CASS4: variants seen among roughly 807,000 people sequenced by gnomAD.
CASS4 encodes cas scaffolding protein family member 4.
Under a neutral mutation model 54.2 loss-of-function variants are expected in CASS4, and 22 were observed. The ratio of observed to expected loss-of-function variants is 0.41; its 90% CI spans 0.29 to 0.58. The LOEUF is 0.58. Ranked by LOEUF, CASS4 falls within the 20% of genes least tolerant of loss-of-function variation. The pLI is 0.36. For synonymous variants in CASS4, 409 were observed against 391.5 expected (o/e 1.04, Z -0.53); for missense variants, 854 against 986.7 (o/e 0.87, Z 1.80).
intron 5 of CASS4, among the ~76,000 whole-genome samples, chr20:56,457,484 G>C (rs569732835): frequency 6.6e-6 from 1 of 152,076 alleles, no homozygotes; most frequent in Non-Finnish European, 1.5e-5. Context: ...ATTCATGAAT[G>C]TAAAATTTTG....
chr20:56,452,933 T>A lies in CASS4; in HGVS notation c.1757T>A (p.Leu586His), dbSNP rs774042931. Reference protein sequence around the residue: ...FASIVIANGRLLFKRNCEKEE... With the variant: ...FASIVIANGRHLFKRNCEKEE... ...TCCATTGTCATTGCCAATGGAAGGCTCCTTTTTAAGCGGAACTGTGAAAAG... is the reference window on the plus strand; with the variant it reads ...TCCATTGTCATTGCCAATGGAAGGCACCTTTTTAAGCGGAACTGTGAAAAG... The change falls in exon 5 of 6, where the codon CTC becomes CAC. Residue 586 changes from leucine to histidine, a missense_variant. Coordinates refer to ENST00000679887, the MANE Select transcript of CASS4 (RefSeq NM_020356.4). 3 of 1,614,046 alleles carry A rather than the reference T, an allele frequency of 1.9e-6. No homozygotes were observed. The highest frequency in any genetic ancestry group is 2.5e-6 in the Non-Finnish European group (3 of 1,180,020).
At chr20:56,428,912 G>A (rs1477300891) in intron 1 of CASS4, among the ~76,000 whole-genome samples, 1 of 151,076 alleles carries the variant, frequency 6.6e-6, no homozygotes, top group Non-Finnish European at 1.5e-5. Context: ...AGCAATCAGT[G>A]TACCCCCCGA....
In CASS4 at chr20:56,459,535, A is replaced by G; in HGVS notation, c.*788A>G. The G allele has an allele frequency of 4.3e-6, 1 of 233,132 alleles. No homozygotes were observed. Among genetic ancestry groups the G allele is most frequent in the South Asian group, 6.5e-5 (1 of 15,340 alleles). The allele number at this position is 233,132 out of a possible 1,614,324, so 14.4% of individuals were successfully genotyped here. On this transcript the variant is annotated 3_prime_UTR_variant, in exon 6 of 6. Transcript: ENST00000679887. ...TGGGGAGTGGGGCGATTTTGTTTTA[A>G]TTTCTCGGTCAGGAATCACTTAATC...
chr20:56,449,444 C>A (rs1980887083), intron 3 of CASS4, among the ~76,000 whole-genome samples: 2 of 151,736 alleles, frequency 1.3e-5, no homozygotes, highest in Non-Finnish European at 1.5e-5. Flanking sequence ...GAACATCACA[C>A]ACCGGGGCCT....
rs1203131712 is a variant in CASS4, at chr20:56,414,063, A to G, written c.36+1569A>G. ...TAAGAACAAGGACATTCATCTACAG[A>G]ACGTAGAAGAATATCTACATATCAT... On this transcript the variant is annotated intron_variant, in intron 1 of 5. Transcript: ENST00000679887. This position sits in a 1 kb window ranked among gnomAD's most constrained non-coding sequence, Gnocchi z 4.1. Among the ~76,000 whole-genome samples the G allele has an allele frequency of 1.3e-5, 2 of 152,358 alleles. No individual in the cohort carries two copies. The highest frequency in any genetic ancestry group is 2.9e-5 in the Non-Finnish European group (2 of 68,032).
rs1013983140 is a variant in CASS4 at position 56,459,496 on chromosome 20, T to A, written c.*749T>A. On this transcript the variant is annotated 3_prime_UTR_variant, in exon 6 of 6. Coordinates refer to ENST00000679887, the MANE Select transcript of CASS4 (RefSeq NM_020356.4). ...TTGTACCTGATTTTATTACCAGTTT[T>A]CATCTGAATCCACTGGGGAGTGGGG... 1 of 267,042 alleles carries A rather than the reference T, an allele frequency of 3.7e-6. No homozygotes were observed. Among genetic ancestry groups the A allele is most frequent in the Non-Finnish European group, 8.0e-6 (1 of 125,322 alleles). The allele number at this position is 267,042 out of a possible 1,614,324, so 16.5% of individuals were successfully genotyped here.
rs749182154 is a variant in CASS4, at chr20:56,414,722, G to A, written c.36+2228G>A. Among the ~76,000 whole-genome samples the A allele has an allele frequency of 5.9e-5, 9 of 152,140 alleles. No individual in the cohort carries two copies. Among genetic ancestry groups the A allele is most frequent in the African/African-American group, 1.2e-4 (5 of 41,420 alleles). Reference sequence around the variant, plus strand: ...TCCCACCACTTTCAGAGGCTGAAGCGTGTGGATCACCTGAGGTCAGGGGAT... The same window carrying A: ...TCCCACCACTTTCAGAGGCTGAAGCATGTGGATCACCTGAGGTCAGGGGAT... On this transcript the variant is annotated intron_variant, in intron 1 of 5. Coordinates refer to ENST00000679887, the MANE Select transcript of CASS4 (RefSeq NM_020356.4). The surrounding 1 kb of genome is among the most constrained non-coding windows in gnomAD (Gnocchi z 4.1).
rs376026138 is a variant in CASS4, at chr20:56,456,749, G to A, written c.1954-1591G>A. 9.2e-5 allele frequency among the ~76,000 whole-genome samples: 14 copies of A among 151,928 alleles called. No homozygotes were observed. The East Asian group carries it at 2.7e-3, about 29-fold the overall frequency. ...GCTAGAGTGCAGTGGTGAGATCATG[G>A]CTCACTGCAGCCTCCACCACCCAGG... On this transcript the variant is annotated intron_variant, in intron 5 of 5. Transcript: ENST00000679887.
rs6092315 is a variant in CASS4, at chr20:56,442,455, A to G, written c.460-3445A>G. 1.3e-3 allele frequency among the ~76,000 whole-genome samples: 199 copies of G among 151,724 alleles called. 6 individuals are homozygous for G. Among genetic ancestry groups the G allele is most frequent in the African/African-American group, 4.8e-3 (197 of 41,070 alleles). On this transcript the variant is annotated intron_variant, in intron 2 of 5. Transcript: ENST00000679887. Reference sequence around the variant, plus strand: ...TTCACCTGACTCTGTGGCTGACGCTATTCTTTCTGATGAACACTTTACTGA... The same window carrying G: ...TTCACCTGACTCTGTGGCTGACGCTGTTCTTTCTGATGAACACTTTACTGA...
chr20:56,447,244 A>G lies in CASS4; in HGVS notation c.561+1243A>G, dbSNP rs553212493. 1.5e-4 allele frequency among the ~76,000 whole-genome samples: 23 copies of G among 152,282 alleles called. No homozygotes were observed. The East Asian group carries it at 3.3e-3, about 22-fold the overall frequency. On this transcript the variant is annotated intron_variant, in intron 3 of 5. Coordinates refer to ENST00000679887, the MANE Select transcript of CASS4 (RefSeq NM_020356.4). ...AATCAAAATCAAAAATTAAAAAAAA[A>G]AGAAGTCACTTTAGCCTTGCTAGGC...
At chr20:56,441,548 T>G (rs1215337334) in intron 2 of CASS4, among the ~76,000 whole-genome samples, 3 of 151,924 alleles carry the variant, frequency 2.0e-5, no homozygotes, top group Non-Finnish European at 4.4e-5. Flanking sequence ...GAAGTTGCAG[T>G]GAGCCGAGAT....
At chr20:56,432,210 A>G (rs1312387484) in intron 1 of CASS4, among the ~76,000 whole-genome samples, 5 of 152,200 alleles carry the variant, frequency 3.3e-5, no homozygotes, top group South Asian at 2.1e-4. Flanking sequence ...GTCCTACAAG[A>G]TAATAAACCT....
chr20:56,451,600 G>A lies in CASS4; in HGVS notation c.643-219G>A, dbSNP rs77723167. 5.9e-3 allele frequency among the ~76,000 whole-genome samples: 899 copies of A among 152,246 alleles called. 8 individuals are homozygous for A. Among genetic ancestry groups the A allele is most frequent in the African/African-American group, 0.021 (852 of 41,552 alleles). On this transcript the variant is annotated intron_variant, in intron 4 of 5. Transcript: ENST00000679887. ...GAGTTCAGGGGAAAGTAAACAGCTT[G>A]GGTGGCTGGACCTGTAAGCAGATGG...
intron 5 of CASS4, chr20:56,453,557 T>C (rs942357942): frequency 3.0e-5 from 5 of 165,282 alleles, no homozygotes; most frequent in Admixed American, 2.4e-4. Context: ...AAATTGCCCA[T>C]GGTCTGATCA....
At chr20:56,451,691 G>T (rs1981005084) in intron 4 of CASS4, 128 bp from the exon 5 acceptor site, 5 of 693,022 alleles carry the variant, frequency 7.2e-6, no homozygotes, top group Non-Finnish European at 1.2e-5. Flanking sequence ...AATCCTGAAG[G>T]ACCTTGAGTG....
intron 1 of CASS4, among the ~76,000 whole-genome samples, chr20:56,434,286 C>G (rs1438304641): frequency 6.6e-6 from 1 of 152,152 alleles, no homozygotes; most frequent in East Asian, 1.9e-4. Context: ...ATCATTTCAG[C>G]ATTGTTTGTA....
intron 1 of CASS4, among the ~76,000 whole-genome samples, chr20:56,423,928 C>G (rs1433790058): frequency 6.6e-6 from 1 of 152,176 alleles, no homozygotes; most frequent in Admixed American, 6.6e-5. Context: ...AGATCATTTT[C>G]TGCACATTCT....
Position 56,430,912 on chromosome 20 carries a change from C to T in CASS4, c.37-6252C>T, listed in dbSNP as rs2146274336. Among the ~76,000 whole-genome samples, 1 of 152,312 alleles carries T rather than the reference C, an allele frequency of 6.6e-6. No homozygotes were observed. Among genetic ancestry groups the T allele is most frequent in the Admixed American group, 6.5e-5 (1 of 15,304 alleles). ...AGGGAAATGAATGAGGGTAGAGCTG[C>T]AAACTGGGAGGCTGATCCTGCCTCG... On this transcript the variant is annotated intron_variant, in intron 1 of 5. Coordinates refer to ENST00000679887, the MANE Select transcript of CASS4 (RefSeq NM_020356.4). The surrounding 1 kb of genome is among the most constrained non-coding windows in gnomAD (Gnocchi z 4.2).
rs997353338 is a variant in CASS4, at chr20:56,414,479, C to T, written c.36+1985C>T. On this transcript the variant is annotated intron_variant, in intron 1 of 5. Coordinates refer to ENST00000679887, the MANE Select transcript of CASS4 (RefSeq NM_020356.4). The surrounding 1 kb of genome is among the most constrained non-coding windows in gnomAD (Gnocchi z 4.1). The stretch of plus-strand genomic sequence containing the variant: ...TATTTTTAGCAATGGGGGTATCACT[C>T]TGTTGTCCAAGCTGGACTCAAATTC... 1.3e-5 allele frequency among the ~76,000 whole-genome samples: 2 copies of T among 152,084 alleles called. No homozygotes were observed. The highest frequency in any genetic ancestry group is 2.9e-5 in the Non-Finnish European group (2 of 68,016).
Sources: allele counts gnomAD v4.1 joint callset (sites outside exome capture counted in the v4.1 genomes callset), GRCh38; gene constraint gnomAD v4.1.1; non-coding constraint Gnocchi (gnomAD v3.1); transcripts MANE v1.5; gene names NCBI Gene and HGNC (gene_info 2026-07-23, HGNC 2026-07-21).